FIGN: variants seen among roughly 807,000 people sequenced by gnomAD.
The protein encoded by FIGN is fidgetin, microtubule severing factor, also known as fidgetin.
In FIGN, 11 loss-of-function variants were observed where a neutral mutation model predicts 51.3. The observed-to-expected ratio is 0.21, with a 90% CI of 0.13 to 0.35. The LOEUF is 0.35. Among genes scored for constraint, FIGN ranks in the 10% least tolerant of loss-of-function variants. The pLI, the probability that FIGN is intolerant of heterozygous loss-of-function variation, is 1.00. For missense variants in FIGN, 857 were observed against 943.6 expected (o/e 0.91, Z 1.20); for synonymous variants, 407 against 363.2 (o/e 1.12, Z -1.37).
At chr2:163,703,983 A>G (rs1684450712) in intron 2 of FIGN, among the ~76,000 whole-genome samples, 1 of 152,052 alleles carries the variant, frequency 6.6e-6, no homozygotes, top group African/African-American at 2.4e-5. Context: ...GCCTATCCAC[A>G]TTACTATATT....
intron 2 of FIGN, among the ~76,000 whole-genome samples, chr2:163,667,327 T>C (rs993005803): frequency 9.6e-5 from 13 of 135,056 alleles, no homozygotes; most frequent in African/African-American, 3.9e-4. Context: ...CCCTTTTCCA[T>C]ACTATCCCCA....
At chr2:163,662,641 G>A (rs1683708295) in intron 2 of FIGN, among the ~76,000 whole-genome samples, 1 of 152,158 alleles carries the variant, frequency 6.6e-6, no homozygotes, top group Admixed American at 6.5e-5. Context: ...GCTGGGTGCA[G>A]CCTAGGGACT....
At chr2:163,620,375 G>C (rs1207706249) in intron 2 of FIGN, among the ~76,000 whole-genome samples, 2 of 152,108 alleles carry the variant, frequency 1.3e-5, no homozygotes, top group African/African-American at 4.8e-5. Flanking sequence ...TATGTCCATA[G>C]GGACTGCAGT....
intron 2 of FIGN, among the ~76,000 whole-genome samples, chr2:163,730,196 CCTG>C (rs1684903653): frequency 6.6e-6 from 1 of 152,144 alleles, no homozygotes; most frequent in Non-Finnish European, 1.5e-5. Context: ...ACTCCTTATT[CCTG>C]CTATTTTACT....
At position 163,661,046 on chromosome 2, in the gene FIGN, GC is replaced by G. The variant is rs1180883259; in HGVS notation, c.26-49241del. On this transcript the variant is annotated intron_variant, in intron 2 of 2. Transcript: ENST00000333129. ...TTACAGGCGCCCGCCACCACGCCCA[GC>G]TAATTTTTGCATTTTTAGTAGAGAC... Among the ~76,000 whole-genome samples, 11 of 146,234 alleles carry G rather than the reference GC, an allele frequency of 7.5e-5. No homozygotes were observed. In the South Asian group the frequency reaches 2.2e-3, roughly 29 times the overall value.
At chr2:163,632,580 T>C (rs1683161583) in intron 2 of FIGN, among the ~76,000 whole-genome samples, 1 of 152,218 alleles carries the variant, frequency 6.6e-6, no homozygotes, top group Non-Finnish European at 1.5e-5. Flanking sequence ...TCAGGGTTAT[T>C]TGTGCAGGGA....
At chr2:163,716,073 G>A (rs1684662004) in intron 2 of FIGN, among the ~76,000 whole-genome samples, 1 of 152,154 alleles carries the variant, frequency 6.6e-6, no homozygotes, top group African/African-American at 2.4e-5. Context: ...TGATTTATTG[G>A]ATGGTGAACG....
intron 2 of FIGN, among the ~76,000 whole-genome samples, chr2:163,619,636 G>A (rs1209699104): frequency 6.6e-6 from 1 of 152,018 alleles, no homozygotes; most frequent in African/African-American, 2.4e-5. Flanking sequence ...GCAATAAAAT[G>A]GCTTGCATTT....
chr2:163,667,560 C>G (rs1253668925), intron 2 of FIGN, among the ~76,000 whole-genome samples: 2 of 152,194 alleles, frequency 1.3e-5, no homozygotes, highest in African/African-American at 4.8e-5. Context: ...AGTTATTCCT[C>G]AAGTACTGCA....
chr2:163,733,750 T>C (rs922452499), intron 2 of FIGN, among the ~76,000 whole-genome samples: 3 of 152,234 alleles, frequency 2.0e-5, no homozygotes, highest in African/African-American at 7.2e-5. Flanking sequence ...ACCAGACGTG[T>C]ATGTCGCGCA....
chr2:163,611,905 TAA>T, intron 2 of FIGN, 99 bp from the exon 3 acceptor site: 2 of 816,140 alleles, frequency 2.5e-6, no homozygotes, highest in South Asian at 3.7e-5. Flanking sequence ...TATTTTCCAT[TAA>T]TGATATGCAT....
chr2:163,627,964 A>T (rs1683082006), intron 2 of FIGN, among the ~76,000 whole-genome samples: 4 of 152,194 alleles, frequency 2.6e-5, no homozygotes, highest in Admixed American at 1.3e-4. Flanking sequence ...GAGAAAATAT[A>T]TTGTAAGTCT....
chr2:163,694,039 C>T (rs575164086), intron 2 of FIGN, among the ~76,000 whole-genome samples: 1 of 152,140 alleles, frequency 6.6e-6, no homozygotes, highest in Admixed American at 6.5e-5. Flanking sequence ...CTGGAGCATC[C>T]AGCAGCTCTC....
intron 2 of FIGN, among the ~76,000 whole-genome samples, chr2:163,634,221 T>A (rs1264494408): frequency 6.6e-6 from 1 of 152,068 alleles, no homozygotes; most frequent in Admixed American, 6.6e-5. Context: ...TAAACATAAA[T>A]AAAGTGACCA....
intron 2 of FIGN, among the ~76,000 whole-genome samples, chr2:163,660,670 CAT>C (rs147952912): frequency 0.032 from 1,710 of 53,944 alleles, 69 homozygotes; most frequent in African/African-American, 0.046. Context: ...TATACATATA[CAT>C]ATATATATAT....
At chr2:163,695,339 C>T (rs1289403481) in intron 2 of FIGN, among the ~76,000 whole-genome samples, 4 of 152,124 alleles carry the variant, frequency 2.6e-5, no homozygotes, top group African/African-American at 9.7e-5. Flanking sequence ...GTTATTGCCT[C>T]TTGACTACCT....
At chr2:163,614,637 A>T (rs2105301716) in intron 2 of FIGN, among the ~76,000 whole-genome samples, 1 of 152,298 alleles carries the variant, frequency 6.6e-6, no homozygotes, top group Admixed American at 6.5e-5. Context: ...GGCTCAACAA[A>T]TAATTTAGAA....
intron 2 of FIGN, among the ~76,000 whole-genome samples, chr2:163,720,371 G>A (rs942421869): frequency 6.6e-6 from 1 of 152,142 alleles, no homozygotes; most frequent in Admixed American, 6.6e-5. Flanking sequence ...ACCACTGAAT[G>A]AAAACAATTG....
At chr2:163,724,487 A>C (rs1019180245) in intron 2 of FIGN, among the ~76,000 whole-genome samples, 13 of 151,662 alleles carry the variant, frequency 8.6e-5, no homozygotes, top group African/African-American at 2.9e-4. Context: ...GATCTGGTGT[A>C]GGGCTTAGGC....
Sources: allele counts gnomAD v4.1 joint callset (sites outside exome capture counted in the v4.1 genomes callset), GRCh38; gene constraint gnomAD v4.1.1; transcripts MANE v1.5; gene names NCBI Gene and HGNC (gene_info 2026-07-23, HGNC 2026-07-21).